The following NELL1 variants were observed in gnomAD, a reference collection of about 807,000 sequenced individuals.
NELL1 encodes neural EGFL like 1, also known as protein kinase C-binding protein NELL1.
Under a neutral mutation model 107.4 loss-of-function variants are expected in NELL1, and 76 were observed. The observed-to-expected ratio is 0.71, with a 90% confidence interval of 0.59 to 0.86. The LOEUF is 0.86. Ranked by LOEUF, NELL1 falls within the 40% of genes least tolerant of loss-of-function variation. NELL1 has a pLI of 0.00. For missense variants in NELL1, 1,024 were observed against 1,005.5 expected, an observed-to-expected ratio of 1.02 and a Z score of -0.25; for synonymous variants, 353 against 341.2, an observed-to-expected ratio of 1.03 and a Z score of -0.38.
chr11:21,088,162 C>A (rs889463317), intron 12 of NELL1, among the ~76,000 whole-genome samples: 1 of 147,806 alleles, frequency 6.8e-6, no homozygotes, highest in African/African-American at 2.5e-5. Flanking sequence ...ATTTTATGTA[C>A]CTGGCCATAG....
At chr11:21,337,731 CTTTCCTTTCTTTCTTT>C (rs1384465313) in intron 14 of NELL1, among the ~76,000 whole-genome samples, 1 of 150,998 alleles carries the variant, frequency 6.6e-6, no homozygotes, top group Non-Finnish European at 1.5e-5. Context: ...TCTTTTCTTT[CTTTCCTTTCTTTCTTT>C]CTTTCTTTCT....
chr11:21,298,484 T>A (rs1434943103), intron 14 of NELL1, among the ~76,000 whole-genome samples: 2 of 152,038 alleles, frequency 1.3e-5, no homozygotes, highest in African/African-American at 4.8e-5. Flanking sequence ...TTTGATCTCT[T>A]ACTCTTTCTG....
chr11:20,737,537 G>GAGA (rs1337613292), intron 2 of NELL1, among the ~76,000 whole-genome samples: 1 of 152,092 alleles, frequency 6.6e-6, no homozygotes, highest in Non-Finnish European at 1.5e-5. Flanking sequence ...CAGTTTACAT[G>GAGA]TGTAAAACAG....
intron 14 of NELL1, among the ~76,000 whole-genome samples, chr11:21,318,576 C>CTTCATACCTTCTACATCACTCCAGCTACT (rs1312971986): frequency 1.1e-4 from 17 of 151,130 alleles, no homozygotes; most frequent in African/African-American, 3.7e-4. Context: ...CTCATAATAC[C>CTTCATACCTTCTACATCACTCCAGCTACT]TCTATTTTTT....
intron 15 of NELL1, among the ~76,000 whole-genome samples, chr11:21,485,759 G>A (rs750638497): frequency 7.2e-5 from 11 of 151,908 alleles, no homozygotes; most frequent in Non-Finnish European, 1.6e-4. Flanking sequence ...TACAGACAGT[G>A]CCAGAACATC....
intron 4 of NELL1, among the ~76,000 whole-genome samples, chr11:20,872,173 T>C: frequency 3.7e-5 from 1 of 26,822 alleles, no homozygotes; most frequent in South Asian, 3.5e-3. Flanking sequence ...TATCAGAGAT[T>C]TTTTTTTTTT....
At chr11:21,445,935 ACC>A (rs148317546) in intron 15 of NELL1, among the ~76,000 whole-genome samples, 7,372 of 152,098 alleles carry the variant, frequency 0.048, 370 homozygotes, top group East Asian at 0.17. Flanking sequence ...TAAACATTCT[ACC>A]CCTATTAATC....
chr11:20,774,900 G>A lies in NELL1; in HGVS notation c.185-8780G>A, dbSNP rs191868493. Among the ~76,000 whole-genome samples the A allele has an allele frequency of 1.1e-4, 17 of 152,038 alleles. No homozygotes were observed. The South Asian group carries it at 2.5e-3, about 22-fold the overall frequency. On this transcript the variant is annotated intron_variant, in intron 2 of 19. Coordinates refer to ENST00000357134, the MANE Select transcript of NELL1 (RefSeq NM_006157.5). ...GGTTCTCAGATTCTTGACAATCAGT[G>A]TGTATTAAAATGGCACCTGAGGAGG...
intron 15 of NELL1, among the ~76,000 whole-genome samples, chr11:21,465,406 A>G (rs911218656): frequency 6.6e-6 from 1 of 152,106 alleles, no homozygotes; most frequent in African/African-American, 2.4e-5. Context: ...TTTACTATGC[A>G]ACCTGCTAAT....
intron 10 of NELL1, among the ~76,000 whole-genome samples, chr11:20,940,062 G>T (rs1459060527): frequency 3.3e-5 from 5 of 152,094 alleles, no homozygotes; most frequent in Non-Finnish European, 7.4e-5. Flanking sequence ...TGACATGGCT[G>T]GCTATCAAAG....
intron 12 of NELL1, among the ~76,000 whole-genome samples, chr11:21,081,721 C>T (rs143236318): frequency 1.3e-5 from 2 of 152,236 alleles, no homozygotes; most frequent in African/African-American, 4.8e-5. Context: ...CTTTTGTGAA[C>T]TAGTTAAATA....
At chr11:20,909,018 A>G (rs1850067112) in intron 5 of NELL1, among the ~76,000 whole-genome samples, 2 of 152,234 alleles carry the variant, frequency 1.3e-5, no homozygotes. Flanking sequence ...TGAAGTTCTG[A>G]TACGTACTAC....
At chr11:21,294,072 A>G (rs955864603) in intron 14 of NELL1, among the ~76,000 whole-genome samples, 1 of 152,200 alleles carries the variant, frequency 6.6e-6, no homozygotes, top group Non-Finnish European at 1.5e-5. Flanking sequence ...CACTTAAAGT[A>G]TAATTTAAAA....
chr11:21,062,816 G>GTTTATTTA (rs202007953), intron 12 of NELL1, among the ~76,000 whole-genome samples: 34 of 151,450 alleles, frequency 2.2e-4, no homozygotes, highest in East Asian at 2.2e-3. Context: ...TTGTTTGTTT[G>GTTTATTTA]TTTATTTATT....
chr11:20,814,698 C>T (rs1412356640), intron 3 of NELL1, among the ~76,000 whole-genome samples: 1 of 152,150 alleles, frequency 6.6e-6, no homozygotes, highest in Non-Finnish European at 1.5e-5. Flanking sequence ...ATCCAGTCCA[C>T]TGTTGGTGGG....
intron 13 of NELL1, among the ~76,000 whole-genome samples, chr11:21,185,119 A>G (rs1251581244): frequency 6.6e-6 from 1 of 151,524 alleles, no homozygotes; most frequent in Non-Finnish European, 1.5e-5. Context: ...TCCTTCCATT[A>G]ACCTATCCAT....
At chr11:21,442,784 C>G (rs945320684) in intron 15 of NELL1, among the ~76,000 whole-genome samples, 1 of 152,034 alleles carries the variant, frequency 6.6e-6, no homozygotes, top group Non-Finnish European at 1.5e-5. Flanking sequence ...AACAATAATA[C>G]AGCACCATTT....
At chr11:21,555,444 T>C (rs1856682666) in intron 16 of NELL1, among the ~76,000 whole-genome samples, 6 of 151,850 alleles carry the variant, frequency 4.0e-5, no homozygotes, top group Non-Finnish European at 5.9e-5. Flanking sequence ...ATGCGGATAG[T>C]TGCTAATTGT....
chr11:20,782,018 T>G (rs1190953844), intron 2 of NELL1, among the ~76,000 whole-genome samples: 1 of 150,000 alleles, frequency 6.7e-6, no homozygotes, highest in African/African-American at 2.5e-5. Flanking sequence ...TTCAACCTGG[T>G]GACAGAGTGA....
Sources: gnomAD v4.1 joint callset for allele counts (sites outside exome capture counted in the v4.1 genomes callset) on GRCh38, gnomAD v4.1.1 for gene constraint, MANE v1.5 for transcripts, NCBI Gene and HGNC (gene_info 2026-07-23, HGNC 2026-07-21) for gene names.